FGF1: variants seen among roughly 807,000 people sequenced by gnomAD.
FGF1 encodes beta-endothelial cell growth factor.
In FGF1, 9 loss-of-function variants were observed where a neutral mutation model predicts 13.4. The observed-to-expected ratio is 0.67, with a 90% CI of 0.40 to 1.17. The LOEUF (loss-of-function observed/expected upper bound fraction) is 1.17, where lower values mean the gene tolerates loss of function less well. Among genes scored for constraint, FGF1 ranks in the 50% most tolerant of loss-of-function variants. The pLI is 0.01. For synonymous variants in FGF1, 93 were observed against 79.0 expected (o/e 1.18, Z -0.94); for missense variants, 156 against 192.7 (o/e 0.81, Z 1.13).
At chr5:142,596,728 G>C (rs17217520) in intron 3 of FGF1, among the ~76,000 whole-genome samples, 117 of 148,896 alleles carry the variant, frequency 7.9e-4, no homozygotes, top group Non-Finnish European at 1.4e-3. Flanking sequence ...CTGGGTGACA[G>C]AGCAAGAACC....
intron 2 of FGF1, among the ~76,000 whole-genome samples, chr5:142,607,477 C>G (rs904935762): frequency 1.3e-5 from 2 of 152,166 alleles, no homozygotes; most frequent in Admixed American, 6.5e-5. Context: ...TCATTTTCCC[C>G]TTCTGAAATG....
At chr5:142,606,251 GT>G (rs70991771) in intron 2 of FGF1, among the ~76,000 whole-genome samples, 4,961 of 86,908 alleles carry the variant, frequency 0.057, 179 homozygotes, top group East Asian at 0.2. Context: ...TGTGTATGTA[GT>G]TTTTTTTTTT....
chr5:142,652,822 C>T (rs955266208), intron 1 of FGF1, among the ~76,000 whole-genome samples: 24 of 152,330 alleles, frequency 1.6e-4, no homozygotes, highest in Non-Finnish European at 8.8e-5. Flanking sequence ...AGGCCCCGGG[C>T]GGGCAGGCTC....
chr5:142,653,697 C>T (rs1437346643), intron 1 of FGF1, among the ~76,000 whole-genome samples: 4 of 152,178 alleles, frequency 2.6e-5, no homozygotes, highest in Non-Finnish European at 5.9e-5. Context: ...GTGCTGCCTG[C>T]CTGTCTTCTA....
rs1754385036 is a variant in FGF1 at position 142,592,182 on chromosome 5, C to T, written c.*3108G>A. Reference sequence around the variant, plus strand: ...CTCAGAAACTCAGAGACATTATCACCTATTATTGGAACATTTATTAATATT... The same window carrying T: ...CTCAGAAACTCAGAGACATTATCACTTATTATTGGAACATTTATTAATATT... On this transcript the variant is annotated 3_prime_UTR_variant, in exon 4 of 4. Coordinates refer to ENST00000337706, the MANE Select transcript of FGF1 (RefSeq NM_000800.5). 2.5e-6 allele frequency: 1 copy of T among 395,738 alleles called. No homozygotes were observed. Among genetic ancestry groups the T allele is most frequent in the Non-Finnish European group, 4.4e-6 (1 of 224,744 alleles). The allele number at this position is 395,738 out of a possible 1,614,324, so 24.5% of individuals were successfully genotyped here.
At chr5:142,687,757 C>T (rs1251964286), upstream of FGF1, among the ~76,000 whole-genome samples, 3 of 152,186 alleles carry the variant, frequency 2.0e-5, no homozygotes, top group Non-Finnish European at 4.4e-5. Flanking sequence ...GATGCAGACT[C>T]AGAGACTCAC....
intron 1 of FGF1, among the ~76,000 whole-genome samples, chr5:142,669,168 C>T (rs1770973885): frequency 6.6e-6 from 1 of 152,186 alleles, no homozygotes; most frequent in Admixed American, 6.5e-5. Context: ...AGCATTTAGA[C>T]TTTTTTCTGC....
rs1246984770 is a variant in FGF1, at chr5:142,661,212, A to G, written c.-35+24745T>C. On this transcript the variant is annotated intron_variant, in intron 1 of 3. Coordinates refer to ENST00000337706, the MANE Select transcript of FGF1 (RefSeq NM_000800.5). ...CCAGATCAATAGCTGCCTCACAAACATGATGCAGATGTTCTCATCTCCACC... is the reference window on the plus strand; with the variant it reads ...CCAGATCAATAGCTGCCTCACAAACGTGATGCAGATGTTCTCATCTCCACC... 2.6e-5 allele frequency among the ~76,000 whole-genome samples: 4 copies of G among 152,350 alleles called. No individual in the cohort carries two copies. The East Asian group carries it at 5.8e-4, about 22-fold the overall frequency.
At chr5:142,628,027 G>T (rs80324917) in intron 1 of FGF1, among the ~76,000 whole-genome samples, 1 of 152,122 alleles carries the variant, frequency 6.6e-6, no homozygotes, top group Non-Finnish European at 1.5e-5. Flanking sequence ...GGCAGGCAAA[G>T]GAGTCCTCCT....
At chr5:142,643,962 C>T (rs1399460581) in intron 1 of FGF1, among the ~76,000 whole-genome samples, 2 of 152,234 alleles carry the variant, frequency 1.3e-5, no homozygotes, top group African/African-American at 4.8e-5. Context: ...CTATTGGCTT[C>T]CCCCAAACAT....
rs138228337 is a variant in FGF1, at chr5:142,638,171, C to T, written c.-34-24010G>A. ...CTTTGTACTGAGTAAAGACAGATGGCCTGAGAGTTCCCCAGCTTTGAACCA... is the reference window on the plus strand; with the variant it reads ...CTTTGTACTGAGTAAAGACAGATGGTCTGAGAGTTCCCCAGCTTTGAACCA... On this transcript the variant is annotated intron_variant, in intron 1 of 3. Transcript: ENST00000337706. Among the ~76,000 whole-genome samples, 7 of 152,096 alleles carry T rather than the reference C, an allele frequency of 4.6e-5. No homozygotes were observed. The East Asian group carries it at 1.3e-3, about 29-fold the overall frequency.
At chr5:142,655,014 T>A (rs985711789) in intron 1 of FGF1, among the ~76,000 whole-genome samples, 1 of 152,230 alleles carries the variant, frequency 6.6e-6, no homozygotes, top group Non-Finnish European at 1.5e-5. Flanking sequence ...AGGAAAACAG[T>A]CAGTTCTTTG....
In FGF1 at chr5:142,628,661, G is replaced by A. The variant is rs530371032; in HGVS notation, c.-34-14500C>T. On this transcript the variant is annotated intron_variant, in intron 1 of 3. Transcript: ENST00000337706. ...TCAACTCCTCATGGTTTTTCTCCTT[G>A]TTTCTTTTTTTCTAACTGACCTTTC... Among the ~76,000 whole-genome samples, 16 of 152,226 alleles carry A rather than the reference G, an allele frequency of 1.1e-4. No individual in the cohort carries two copies. In the East Asian group the frequency reaches 1.9e-3, roughly 18 times the overall value.
At chr5:142,695,263 T>A (rs1752916784) in intron 2 of FGF1, among the ~76,000 whole-genome samples, 1 of 152,172 alleles carries the variant, frequency 6.6e-6, no homozygotes, top group Admixed American at 6.5e-5. Flanking sequence ...GTTATTATAT[T>A]ACTTCTAAAG....
chr5:142,605,251 C>A (rs1303444672), intron 2 of FGF1, among the ~76,000 whole-genome samples: 2 of 151,360 alleles, frequency 1.3e-5, no homozygotes, highest in African/African-American at 2.4e-5. Flanking sequence ...GGATTACAGG[C>A]ACGCACCATC....
At chr5:142,697,550 G>C (rs764311093) in intron 2 of FGF1, 1 of 152,438 alleles carries the variant, frequency 6.6e-6, no homozygotes. Context: ...GAACGTTCAC[G>C]CTGAGCACAA....
At chr5:142,685,627 G>A (rs1180259296) in intron 1 of FGF1, 2 of 152,220 alleles carry the variant, frequency 1.3e-5, no homozygotes, top group Admixed American at 1.3e-4. Context: ...GGCACTGGAG[G>A]AATGGAGATA....
rs115341982 is a variant in FGF1 at position 142,598,208 on chromosome 5, G to T, written c.273+2494C>A. Reference sequence around the variant, plus strand: ...CCTGACACCTCATAGTGGGCATCAGGCCTGTGTTCTGTGACGAAGGTGAGG... The same window carrying T: ...CCTGACACCTCATAGTGGGCATCAGTCCTGTGTTCTGTGACGAAGGTGAGG... On this transcript the variant is annotated intron_variant, in intron 3 of 3. Coordinates refer to ENST00000337706, the MANE Select transcript of FGF1 (RefSeq NM_000800.5). Among the ~76,000 whole-genome samples the T allele has an allele frequency of 3.8e-3, 575 of 152,236 alleles. 4 individuals are homozygous for T. The highest frequency in any genetic ancestry group is 0.013 in the African/African-American group (538 of 41,532).
At chr5:142,632,704 G>T (rs925992972) in intron 1 of FGF1, among the ~76,000 whole-genome samples, 4 of 152,114 alleles carry the variant, frequency 2.6e-5, no homozygotes, top group Admixed American at 2.0e-4. Context: ...GCTCTTTTAT[G>T]ATCTGACTTT....
Sources: gnomAD v4.1 joint callset for allele counts (sites outside exome capture counted in the v4.1 genomes callset) on GRCh38, gnomAD v4.1.1 for gene constraint, MANE v1.5 for transcripts, NCBI Gene and HGNC (gene_info 2026-07-23, HGNC 2026-07-21) for gene names.